The following IMMT variants were observed in gnomAD, a reference collection of about 807,000 sequenced individuals.
IMMT encodes MICOS complex subunit MIC60.
Under a neutral mutation model 92.7 loss-of-function variants are expected in IMMT, and 40 were observed. That is an observed-to-expected ratio of 0.43 (90% CI 0.34 to 0.56). The LOEUF (loss-of-function observed/expected upper bound fraction) is 0.56. Among genes scored for constraint, IMMT ranks in the 20% least tolerant of loss-of-function variants. The pLI is 0.03. For synonymous variants in IMMT, 322 were observed against 336.1 expected (o/e 0.96, Z 0.46); for missense variants, 831 against 912.1 (o/e 0.91, Z 1.14).
At chr2:86,186,064 T>C (rs1351818362) in intron 1 of IMMT, among the ~76,000 whole-genome samples, 1 of 152,186 alleles carries the variant, frequency 6.6e-6, no homozygotes, top group Non-Finnish European at 1.5e-5. Context: ...TACCACCATA[T>C]GCTGAATGTA....
intron 1 of IMMT, among the ~76,000 whole-genome samples, chr2:86,186,610 G>T (rs763882615): frequency 9.2e-5 from 14 of 152,134 alleles, no homozygotes; most frequent in Non-Finnish European, 1.9e-4. Context: ...GCCACAGATG[G>T]GTGATCCAGC....
chr2:86,153,376 AC>A (rs1164444789), intron 11 of IMMT, among the ~76,000 whole-genome samples, 183 bp downstream of exon 11: 1 of 151,710 alleles, frequency 6.6e-6, no homozygotes, highest in African/African-American at 2.4e-5. Flanking sequence ...ACTTGATGAA[AC>A]ATTTTCATTC....
Position 86,146,834 on chromosome 2 carries a change from C to T in IMMT, c.1534-637G>A, listed in dbSNP as rs181276354. On this transcript the variant is annotated intron_variant, in intron 13 of 14. Transcript: ENST00000410111. ...GGAGTGCAGTGGCACAACCTCAGCT[C>T]ACTGCAACCTCCACCTCCCAGATTC... 5.3e-5 allele frequency among the ~76,000 whole-genome samples: 8 copies of T among 152,252 alleles called. No homozygotes were observed. The East Asian group carries it at 1.5e-3, about 29-fold the overall frequency.
intron 6 of IMMT, among the ~76,000 whole-genome samples, chr2:86,168,725 G>C (rs950187377): frequency 2.0e-5 from 3 of 152,140 alleles, no homozygotes; most frequent in African/African-American, 7.2e-5. Flanking sequence ...GCATAAACTA[G>C]CAATGAACAA....
At chr2:86,167,257 C>T (rs1244651347) in intron 6 of IMMT, among the ~76,000 whole-genome samples, 3 of 145,780 alleles carry the variant, frequency 2.1e-5, no homozygotes, top group Non-Finnish European at 3.0e-5. Flanking sequence ...CTGCAAGCTC[C>T]GCCTCCCGGG....
chr2:86,194,853 A>T (rs1464804349), intron 1 of IMMT: 1 of 170,264 alleles, frequency 5.9e-6, no homozygotes, highest in Non-Finnish European at 1.4e-5. Flanking sequence ...GCGAAAAGAA[A>T]GGCACTCCCT....
chr2:86,181,076 G>T (rs182499118), intron 2 of IMMT, among the ~76,000 whole-genome samples: 1 of 151,916 alleles, frequency 6.6e-6, no homozygotes, highest in Non-Finnish European at 1.5e-5. Context: ...GCTATGCCTC[G>T]GATGCCATCC....
rs1402446185 is a variant in IMMT at position 86,170,803 on chromosome 2, C to T, written c.601G>A (p.Glu201Lys). The T allele has an allele frequency of 1.3e-6, 2 of 1,590,834 alleles. No homozygotes were observed. Among genetic ancestry groups the T allele is most frequent in the East Asian group, 4.5e-5 (2 of 44,482 alleles). The change falls in exon 6 of 15, where the codon GAA (glutamate) becomes AAA (lysine). Residue 201 changes from glutamate (E) to lysine (K), a missense_variant. By Grantham distance (56) the Glu-to-Lys change is moderately conservative. Transcript: ENST00000410111. Reference sequence around the variant, plus strand: ...TGTTGTGCAAGGCGAGCTGCAACTTCTTCAGGTGGTCGCTCCCTTATAGAA... The same window carrying T: ...TGTTGTGCAAGGCGAGCTGCAACTTTTTCAGGTGGTCGCTCCCTTATAGAA... Reference protein sequence around the residue: ...SSSIRERPPEEVAARLAQQEK... With the variant: ...SSSIRERPPEKVAARLAQQEK...
At chr2:86,175,850 A>T (rs1319905972) in intron 3 of IMMT, among the ~76,000 whole-genome samples, 1 of 152,240 alleles carries the variant, frequency 6.6e-6, no homozygotes, top group Non-Finnish European at 1.5e-5. Context: ...AAAGGAAGTC[A>T]TTCTGGGTAG....
At chr2:86,173,347 G>A (rs536310517) in intron 4 of IMMT, among the ~76,000 whole-genome samples, 18 of 152,328 alleles carry the variant, frequency 1.2e-4, no homozygotes, top group African/African-American at 4.3e-4. Flanking sequence ...TTGGGAGGCC[G>A]AGGCGGGCAG....
chr2:86,176,623 T>C (rs1356217789), intron 3 of IMMT, among the ~76,000 whole-genome samples: 2 of 152,170 alleles, frequency 1.3e-5, no homozygotes, highest in Admixed American at 6.5e-5. Context: ...CTATCTTTAA[T>C]CCAAAAAAGC....
chr2:86,174,905 A>C (rs1358559878), intron 3 of IMMT, among the ~76,000 whole-genome samples: 2 of 152,208 alleles, frequency 1.3e-5, no homozygotes, highest in Admixed American at 6.5e-5. Flanking sequence ...CAAACAAAGC[A>C]ATGAACATCC....
chr2:86,158,512 C>CA, intron 10 of IMMT, 80 bp downstream of exon 10: 1 of 1,232,538 alleles, frequency 8.1e-7, no homozygotes, highest in Non-Finnish European at 1.1e-6. Flanking sequence ...ATGTGGACTA[C>CA]AATGGAGATG....
rs535904150 is a variant in IMMT at position 86,144,441 on chromosome 2, C to A, written c.2104G>T (p.Asp702Tyr). Residue 702 changes from aspartate (D) to tyrosine (Y), a missense_variant, in exon 15 of 15, where the codon GAT becomes TAT. Asp to Tyr is a radical substitution (Grantham distance 160, BLOSUM62 -3). Coordinates refer to ENST00000410111, the MANE Select transcript of IMMT (RefSeq NM_006839.3). The part of the protein sequence containing the change: ...SYASYCIEHG[D>Y]LELAAKFVNQ... ...ACAAACTTTGCTGCTAGCTCCAGAT[C>A]ACCATGCTCAATGCAATAGGAAGCA... 1 of 1,614,016 alleles carries A rather than the reference C, an allele frequency of 6.2e-7. No individual in the cohort carries two copies. The highest frequency in any genetic ancestry group is 8.5e-7 in the Non-Finnish European group (1 of 1,179,890).
intron 1 of IMMT, among the ~76,000 whole-genome samples, chr2:86,189,639 A>G (rs1558843492): frequency 6.6e-6 from 1 of 152,188 alleles, no homozygotes. Context: ...GGTTTCCTCC[A>G]CAGACTGCTG....
chr2:86,169,478 G>C (rs1676939837), intron 6 of IMMT, among the ~76,000 whole-genome samples: 1 of 152,124 alleles, frequency 6.6e-6, no homozygotes, highest in Admixed American at 6.6e-5. Context: ...CCTCAGGGTA[G>C]GGCAGAACCA....
At chr2:86,176,725 G>A (rs1677453441) in intron 3 of IMMT, among the ~76,000 whole-genome samples, 1 of 152,206 alleles carries the variant, frequency 6.6e-6, no homozygotes, top group Non-Finnish European at 1.5e-5. Context: ...AAAGTGGAGT[G>A]AGGAGAGGCC....
At position 86,166,070 on chromosome 2, in the gene IMMT, G is replaced by A. The variant is rs753590916; in HGVS notation, c.792+438C>T. On this transcript the variant is annotated intron_variant, in intron 7 of 14. Coordinates refer to ENST00000410111, the MANE Select transcript of IMMT (RefSeq NM_006839.3). The stretch of plus-strand genomic sequence containing the variant: ...TCTAAGGCCAAGCACAGTGGCTCAC[G>A]CCTGTAATCCCAACATTTTGGGAGG... 2.6e-4 allele frequency among the ~76,000 whole-genome samples: 40 copies of A among 152,266 alleles called. No individual in the cohort carries two copies. The Middle Eastern group carries it at 0.01, about 39-fold the overall frequency.
rs1455373133 is a variant in IMMT, at chr2:86,151,383, G to C, written c.1315C>G (p.Leu439Val). 1.9e-6 allele frequency: 3 copies of C among 1,613,852 alleles called. No homozygotes were observed. Among genetic ancestry groups the C allele is most frequent in the Middle Eastern group, 3.3e-4 (2 of 6,062 alleles). ...HITLALEKQK[L>V]EEKRAFDSAV... ...GAGTCAAATGCCCGCTTTTCTTCCA[G>C]CTTTTGTTTCTCCAAGGCTAACGTG... Residue 439 changes from leucine to valine, a missense_variant, in exon 12 of 15, where the codon CTG becomes GTG. By Grantham distance (32) the Leu-to-Val change is conservative. Coordinates refer to ENST00000410111, the MANE Select transcript of IMMT (RefSeq NM_006839.3).
Sources: allele counts gnomAD v4.1 joint callset (sites outside exome capture counted in the v4.1 genomes callset), GRCh38; gene constraint gnomAD v4.1.1; transcripts MANE v1.5; gene names NCBI Gene and HGNC (gene_info 2026-07-23, HGNC 2026-07-21).